The following SH3GL3 variants were observed in gnomAD, a reference collection of about 807,000 sequenced individuals.
The protein encoded by SH3GL3 is endophilin-A3.
SH3GL3 carries 33 observed loss-of-function variants against 47.7 expected under a neutral mutation model. The ratio of observed to expected loss-of-function variants is 0.69; its 90% CI spans 0.52 to 0.92. SH3GL3 has a LOEUF of 0.92. SH3GL3 is among the 40% of genes least tolerant of loss of function. SH3GL3 has a pLI of 0.00. For synonymous variants in SH3GL3, 155 were observed against 148.8 expected (o/e 1.04, Z -0.30); for missense variants, 363 against 417.8 (o/e 0.87, Z 1.14).
At position 83,564,151 on chromosome 15, in the gene SH3GL3, G is replaced by A. The variant is rs116602055; in HGVS notation, c.115-983G>A. 2.2e-3 allele frequency among the ~76,000 whole-genome samples: 329 copies of A among 152,012 alleles called. 2 individuals are homozygous for A. The highest frequency in any genetic ancestry group is 7.5e-3 in the African/African-American group (309 of 41,452). On this transcript the variant is annotated intron_variant, in intron 2 of 8. Transcript: ENST00000427482. ...AAATACTGTTGTCTGTATGTTAGTC[G>A]TTTTATAGTCTGATTTTTTTAGGTT...
At chr15:83,541,310 C>CTTTTTT (rs2044143784) in intron 1 of SH3GL3, among the ~76,000 whole-genome samples, 4 of 47,746 alleles carry the variant, frequency 8.4e-5, no homozygotes, top group South Asian at 1.2e-3. Flanking sequence ...TATGGTAATT[C>CTTTTTT]TATTTTTTTT....
intron 1 of SH3GL3, among the ~76,000 whole-genome samples, chr15:83,476,307 G>A (rs1469067383): frequency 6.6e-6 from 1 of 152,144 alleles, no homozygotes; most frequent in African/African-American, 2.4e-5. Flanking sequence ...TGTTACCATC[G>A]CATGAGATAA....
At chr15:83,591,862 T>C (rs2060112298) in intron 8 of SH3GL3, among the ~76,000 whole-genome samples, 1 of 150,616 alleles carries the variant, frequency 6.6e-6, no homozygotes, top group African/African-American at 2.4e-5. Flanking sequence ...ATTTTTTGTA[T>C]TTTTAATAGG....
chr15:83,575,932 C>T (rs1459944500), intron 5 of SH3GL3, among the ~76,000 whole-genome samples: 2 of 152,084 alleles, frequency 1.3e-5, no homozygotes, highest in Non-Finnish European at 2.9e-5. Context: ...TGATGGGAAA[C>T]CTACTGCTAC....
At chr15:83,553,155 A>G (rs941692462) in intron 1 of SH3GL3, among the ~76,000 whole-genome samples, 16 of 151,896 alleles carry the variant, frequency 1.1e-4, no homozygotes, top group African/African-American at 3.9e-4. Flanking sequence ...GGTCTCAGCT[A>G]CTCCTGAGAT....
chr15:83,502,385 C>T (rs533794045), intron 1 of SH3GL3, among the ~76,000 whole-genome samples: 2 of 152,340 alleles, frequency 1.3e-5, no homozygotes, highest in Admixed American at 1.3e-4. Context: ...CAGTAGGAGA[C>T]AGGAGAGGCC....
intron 1 of SH3GL3, among the ~76,000 whole-genome samples, chr15:83,482,282 T>C (rs575789072): frequency 6.6e-6 from 1 of 152,238 alleles, no homozygotes; most frequent in Non-Finnish European, 1.5e-5. Flanking sequence ...CCTTTGTGGT[T>C]GTTGCAAGCT....
At position 83,601,969 on chromosome 15, in the gene SH3GL3, A is replaced by G. The variant is rs540466919; in HGVS notation, c.838+13198A>G. 9.2e-5 allele frequency among the ~76,000 whole-genome samples: 14 copies of G among 151,572 alleles called. No individual in the cohort carries two copies. The South Asian group carries it at 2.3e-3, about 25-fold the overall frequency. ...GTCTCAAAAAAAAAAAAAACAAAACATAAAACCGAAATGCAGTAAAATAGG... is the reference window on the plus strand; with the variant it reads ...GTCTCAAAAAAAAAAAAAACAAAACGTAAAACCGAAATGCAGTAAAATAGG... On this transcript the variant is annotated intron_variant, in intron 8 of 8. Coordinates refer to ENST00000427482, the MANE Select transcript of SH3GL3 (RefSeq NM_003027.5).
chr15:83,583,940 T>A (rs1468174556), intron 6 of SH3GL3, among the ~76,000 whole-genome samples: 1 of 152,108 alleles, frequency 6.6e-6, no homozygotes, highest in East Asian at 1.9e-4. Context: ...GCAGCACTAA[T>A]CTCATTGTTA....
chr15:83,513,677 C>A (rs1303511570), intron 1 of SH3GL3, among the ~76,000 whole-genome samples: 1 of 152,136 alleles, frequency 6.6e-6, no homozygotes, highest in East Asian at 1.9e-4. Flanking sequence ...CTGTCTCTCC[C>A]ACTAAATCAT....
intron 1 of SH3GL3, among the ~76,000 whole-genome samples, chr15:83,497,264 C>T (rs1182196930): frequency 6.6e-6 from 1 of 152,136 alleles, no homozygotes; most frequent in Non-Finnish European, 1.5e-5. Context: ...CTTCTTGCCC[C>T]TTGTCTTCAC....
At chr15:83,474,442 T>C (rs1596051478) in intron 1 of SH3GL3, among the ~76,000 whole-genome samples, 3 of 152,322 alleles carry the variant, frequency 2.0e-5, no homozygotes, top group Admixed American at 6.5e-5. Context: ...ATTAATTTAA[T>C]TTTTTAAAAA....
intron 1 of SH3GL3, among the ~76,000 whole-genome samples, chr15:83,551,101 G>A (rs1355836796): frequency 6.6e-6 from 1 of 152,164 alleles, no homozygotes; most frequent in African/African-American, 2.4e-5. Context: ...AACACCAAAT[G>A]CAAAAGCTTC....
At chr15:83,546,289 A>C (rs987260520) in intron 1 of SH3GL3, among the ~76,000 whole-genome samples, 12 of 151,842 alleles carry the variant, frequency 7.9e-5, no homozygotes, top group African/African-American at 2.7e-4. Flanking sequence ...AAGCAGAAGG[A>C]GTCTCTGCCC....
the SH3GL3 span, among the ~76,000 whole-genome samples, chr15:83,631,399 G>A: frequency 6.6e-6 from 1 of 152,218 alleles, no homozygotes; most frequent in African/African-American, 2.4e-5. Flanking sequence ...GGGGGCTCCA[G>A]CTCCATGTTT....
chr15:83,540,927 C>T (rs2044123172), intron 1 of SH3GL3, among the ~76,000 whole-genome samples: 1 of 152,180 alleles, frequency 6.6e-6, no homozygotes, highest in South Asian at 2.1e-4. Flanking sequence ...CATCCCGATT[C>T]CCTCTACTCC....
intron 1 of SH3GL3, among the ~76,000 whole-genome samples, chr15:83,493,248 G>T (rs191163160): frequency 6.6e-6 from 1 of 152,158 alleles, no homozygotes; most frequent in African/African-American, 2.4e-5. Flanking sequence ...GAGGTGGAGG[G>T]GCACCAGGGA....
chr15:83,587,045 C>T lies in SH3GL3; in HGVS notation c.687C>T (p.Ser229=), dbSNP rs970912763. 1.2e-6 allele frequency: 2 copies of T among 1,610,560 alleles called. No individual in the cohort carries two copies. The highest frequency in any genetic ancestry group is 2.7e-5 in the African/African-American group (2 of 74,690). ...IEAALDYHRQ[S]TEILQELQSK... The stretch of plus-strand genomic sequence containing the variant: ...CAGCATTAGACTATCACAGACAGTC[C>T]ACAGAGATTCTGCAGGAGCTGCAGA... Residue 229 remains serine, a synonymous_variant, in exon 7 of 9, where the codon TCC becomes TCT. Coordinates refer to ENST00000427482, the MANE Select transcript of SH3GL3 (RefSeq NM_003027.5).
chr15:83,522,863 TTAAA>T (rs2043265859), intron 1 of SH3GL3, among the ~76,000 whole-genome samples: 3 of 152,164 alleles, frequency 2.0e-5, no homozygotes, highest in Admixed American at 2.0e-4. Flanking sequence ...TTAAAAACAC[TTAAA>T]TAATTACCTT....
Sources: allele counts gnomAD v4.1 joint callset (sites outside exome capture counted in the v4.1 genomes callset), GRCh38; gene constraint gnomAD v4.1.1; transcripts MANE v1.5; gene names NCBI Gene and HGNC (gene_info 2026-07-23, HGNC 2026-07-21).